Variants in DCHS2 observed in about 807,000 individuals in gnomAD.
DCHS2 encodes the protein protocadherin-23.
DCHS2 carries 142 observed loss-of-function variants against 182.4 expected under a neutral mutation model. The observed-to-expected ratio is 0.78, with a 90% confidence interval of 0.68 to 0.89. DCHS2 has a LOEUF of 0.89. DCHS2 is among the 40% of genes least tolerant of loss of function. The pLI is 0.00. For synonymous variants in DCHS2, 1,740 were observed against 1,663.3 expected (o/e 1.05, Z -1.12); for missense variants, 4,319 against 4,198.6 (o/e 1.03, Z -0.79).
rs1342083165 is a variant in DCHS2 at position 154,490,447 on chromosome 4, G to C, written c.909C>G (p.Ala303=). ...PPVFEQDEYR[A]AVREDAQPGA... ...CCGGCTGGGCGTCCTCGCGCACCGC[G>C]GCGCGGTACTCGTCCTGCTCAAAGA... is the stretch of plus-strand genomic sequence containing the variant. The change falls in exon 1 of 20, where the codon GCC becomes GCG. Residue 303 remains alanine (A), a synonymous_variant. Coordinates refer to ENST00000357232, the MANE Select transcript of DCHS2 (RefSeq NM_001358235.2). 6.5e-7 allele frequency: 1 copy of C among 1,535,126 alleles called. No individual in the cohort carries two copies. Among genetic ancestry groups the C allele is most frequent in the Non-Finnish European group, 8.7e-7 (1 of 1,145,742 alleles).
intron 7 of DCHS2, among the ~76,000 whole-genome samples, chr4:154,327,095 T>G (rs1316971641): frequency 6.6e-6 from 1 of 152,182 alleles, no homozygotes; most frequent in Non-Finnish European, 1.5e-5. Flanking sequence ...ACAAGTTATA[T>G]TGGAATTTTT....
chr4:154,404,755 T>C (rs191884370), intron 1 of DCHS2, among the ~76,000 whole-genome samples: 8 of 152,378 alleles, frequency 5.3e-5, no homozygotes, highest in African/African-American at 1.9e-4. Context: ...TGACCTTTTA[T>C]GGTTATGAAA....
Position 154,325,316 on chromosome 4 carries a change from CGTGTGTGTGTGTGTGTGT to C in DCHS2, c.4018+2759_4018+2776del, listed in dbSNP as rs75589397. ...AGTGGTATTATAGCAGGATTATAGC[CGTGTGTGTGTGTGTGTGT>C]GTGTGTGTGTGTGTGTGTGTGTGTG... On this transcript the variant is annotated intron_variant, in intron 7 of 19. Transcript: ENST00000357232. Among the ~76,000 whole-genome samples, 119 of 142,690 alleles carry C rather than the reference CGTGTGTGTGTGTGTGTGT, an allele frequency of 8.3e-4. 2 individuals are homozygous for C. The highest frequency in any genetic ancestry group is 6.4e-3 in the East Asian group (31 of 4,872). 93.6% of individuals were successfully genotyped at this position (142,690 alleles called of 152,430 possible). A position where few individuals can be genotyped will look rare whatever the true frequency, so the allele number is the denominator to read the frequency against.
intron 1 of DCHS2, among the ~76,000 whole-genome samples, chr4:154,393,606 A>T (rs2130714): frequency 0.6 from 91,230 of 151,966 alleles, 27,873 homozygotes; most frequent in Middle Eastern, 0.69. Context: ...AGGATTTTCC[A>T]GCCAAGGTAC....
intron 9 of DCHS2, among the ~76,000 whole-genome samples, chr4:154,317,968 A>T (rs1735921477): frequency 6.6e-6 from 1 of 152,188 alleles, no homozygotes; most frequent in African/African-American, 2.4e-5. Context: ...TGTTTGTATA[A>T]TCTCAAAGAT....
chr4:154,361,087 CT>C (rs56717367), intron 3 of DCHS2, among the ~76,000 whole-genome samples: 13,784 of 152,142 alleles, frequency 0.091, 1,203 homozygotes, highest in African/African-American at 0.23. Context: ...CTGTTTATGA[CT>C]TTTATTGATT....
At chr4:154,264,244 A>C (rs892759819) in intron 14 of DCHS2, among the ~76,000 whole-genome samples, 8 of 152,312 alleles carry the variant, frequency 5.3e-5, no homozygotes, top group Admixed American at 1.3e-4. Context: ...ATAGAGAAGC[A>C]AGGCACCATA....
At chr4:154,374,773 A>AC (rs1193142593) in intron 2 of DCHS2, among the ~76,000 whole-genome samples, 114 of 152,310 alleles carry the variant, frequency 7.5e-4, no homozygotes, top group African/African-American at 2.6e-3. Context: ...GGGTCTGTCT[A>AC]TACAAAAGAG....
intron 3 of DCHS2, chr4:154,354,895 T>C (rs1729788808): frequency 1.3e-5 from 2 of 152,158 alleles, no homozygotes; most frequent in Admixed American, 1.3e-4. Context: ...GACTTTTTTT[T>C]TTAATTTATA....
At chr4:154,472,289 A>G (rs1448840760) in intron 1 of DCHS2, among the ~76,000 whole-genome samples, 2 of 152,228 alleles carry the variant, frequency 1.3e-5, no homozygotes, top group Non-Finnish European at 2.9e-5. Context: ...ACAGAACAGT[A>G]TGAAAGTAAT....
At chr4:154,483,231 A>G (rs1203475049) in intron 1 of DCHS2, among the ~76,000 whole-genome samples, 8 of 152,148 alleles carry the variant, frequency 5.3e-5, no homozygotes, top group Admixed American at 5.2e-4. Context: ...AACTAAAGCA[A>G]GGAGGGGGGT....
intron 13 of DCHS2, among the ~76,000 whole-genome samples, chr4:154,276,197 C>A (rs1307293491): frequency 6.6e-6 from 1 of 152,036 alleles, no homozygotes; most frequent in Admixed American, 6.6e-5. Context: ...CTATGAAAAC[C>A]AACACTGTAC....
rs60256013 is a variant in DCHS2 at position 154,464,789 on chromosome 4, A to C, written c.2052+24515T>G. Reference sequence around the variant, plus strand: ...ACAGAGGTTGGTCTTCAGGGCCTACAAAGGGTTGGGGAAAGCCCTGCTGGA... The same window carrying C: ...ACAGAGGTTGGTCTTCAGGGCCTACCAAGGGTTGGGGAAAGCCCTGCTGGA... On this transcript the variant is annotated intron_variant, in intron 1 of 19. Transcript: ENST00000357232. Among the ~76,000 whole-genome samples the C allele has an allele frequency of 7.7e-3, 1,180 of 152,268 alleles. 23 individuals carry two copies. The highest frequency in any genetic ancestry group is 0.026 in the African/African-American group (1,068 of 41,566).
intron 18 of DCHS2, 83 bp downstream of exon 18, chr4:154,240,454 G>T (rs1311063024): frequency 9.4e-6 from 14 of 1,489,654 alleles, no homozygotes; most frequent in Admixed American, 2.1e-5. Context: ...ATCTGAATTA[G>T]TCTATCGGCG....
chr4:154,272,945 C>T (rs1369325457), intron 13 of DCHS2, among the ~76,000 whole-genome samples: 3 of 152,116 alleles, frequency 2.0e-5, no homozygotes, highest in Non-Finnish European at 2.9e-5. Flanking sequence ...GTTTACTACT[C>T]ACATACTATT....
intron 1 of DCHS2, among the ~76,000 whole-genome samples, chr4:154,434,606 T>G (rs1026271159): frequency 6.6e-6 from 1 of 151,896 alleles, no homozygotes; most frequent in Non-Finnish European, 1.5e-5. Flanking sequence ...TACATGAGTG[T>G]TTTTTTTATT....
chr4:154,479,416 C>T (rs540923571), intron 1 of DCHS2, among the ~76,000 whole-genome samples: 7 of 152,064 alleles, frequency 4.6e-5, no homozygotes, highest in Non-Finnish European at 1.0e-4. Context: ...AGAAAAAGCA[C>T]TCTCTAGAAA....
chr4:154,320,337 T>A (rs1736007286), intron 9 of DCHS2, 42 bp downstream of exon 9: 1 of 1,563,992 alleles, frequency 6.4e-7, no homozygotes. Flanking sequence ...CTTACCACAA[T>A]AAAATAAAAT....
At chr4:154,262,780 AATGTCTTTGAAAC>A (rs1733050598) in intron 14 of DCHS2, among the ~76,000 whole-genome samples, 2 of 152,232 alleles carry the variant, frequency 1.3e-5, no homozygotes, top group South Asian at 2.1e-4. Context: ...CTACTTAAAC[AATGTCTTTGAAAC>A]ATTGAAAGTT....
Sources: gnomAD v4.1 joint callset for allele counts (sites outside exome capture counted in the v4.1 genomes callset) on GRCh38, gnomAD v4.1.1 for gene constraint, MANE v1.5 for transcripts, NCBI Gene and HGNC (gene_info 2026-07-23, HGNC 2026-07-21) for gene names.